DNAH3: variants seen among roughly 807,000 people sequenced by gnomAD.
DNAH3 encodes the protein dynein axonemal heavy chain 3.
A neutral mutation model predicts 432.5 loss-of-function variants in DNAH3; 332 were observed. The observed-to-expected ratio is 0.77, with a 90% CI of 0.70 to 0.84. DNAH3 has a LOEUF of 0.84. DNAH3 is among the 40% of genes least tolerant of loss of function. DNAH3 has a pLI of 0.00. For missense variants in DNAH3, 4,861 were observed against 5,114.0 expected (o/e 0.95, Z 1.51); for synonymous variants, 1,956 against 1,900.2 (o/e 1.03, Z -0.76).
rs370788589 is a variant in DNAH3, at chr16:21,073,894, A to G, written c.3084+1553T>C. Among the ~76,000 whole-genome samples the G allele has an allele frequency of 1.1e-4, 17 of 152,258 alleles. 1 individual carries two copies. The highest frequency in any genetic ancestry group is 4.1e-4 in the African/African-American group (17 of 41,540). On this transcript the variant is annotated intron_variant, in intron 21 of 61. Transcript: ENST00000261383. ...AACAGCAGGTCTTGCTAGGCTTCCC[A>G]TGGAGTCTAGACCATTATACCATAC...
In DNAH3 at chr16:21,069,363, A is replaced by C. The variant is rs370824807; in HGVS notation, c.3381+52T>G. 2.0e-5 allele frequency: 30 copies of C among 1,519,398 alleles called. No homozygotes were observed. In the African/African-American group the frequency reaches 3.9e-4, roughly 20 times the overall value. The allele number at this position is 1,519,398 out of a possible 1,614,324, so 94.1% of individuals were successfully genotyped here. A position where few individuals can be genotyped will look rare whatever the true frequency, so the allele number is the denominator to read the frequency against. The stretch of plus-strand genomic sequence containing the variant: ...AGGAAGGTGACTAGAATGCATAATG[A>C]GGAAACATTTGTATTTCTGCTGGTA... On this transcript the variant is annotated intron_variant, in intron 23 of 61. Coordinates refer to ENST00000261383, the Ensembl canonical transcript of DNAH3.
intron 49 of DNAH3, among the ~76,000 whole-genome samples, chr16:20,980,996 C>T (rs940028584): frequency 3.9e-5 from 6 of 152,128 alleles, no homozygotes; most frequent in Non-Finnish European, 2.9e-5. Context: ...ACTTTATTTA[C>T]AAAAGCAGGG....
intron 23 of DNAH3, among the ~76,000 whole-genome samples, chr16:21,068,233 G>A (rs1250367609): frequency 4.0e-5 from 6 of 150,048 alleles, no homozygotes; most frequent in African/African-American, 7.4e-5. Context: ...TGATCCCAAC[G>A]TTCCTGCTTT....
intron 1 of DNAH3, among the ~76,000 whole-genome samples, chr16:21,146,446 C>G (rs2092784649): frequency 6.6e-6 from 1 of 152,106 alleles, no homozygotes; most frequent in South Asian, 2.1e-4. Flanking sequence ...GTCTCAGCTA[C>G]TTGGGAGGCT....
intron 12 of DNAH3, among the ~76,000 whole-genome samples, chr16:21,115,761 TAAATAAAATA>T (rs540684299): frequency 6.0e-5 from 9 of 149,702 alleles, no homozygotes; most frequent in African/African-American, 2.2e-4. Flanking sequence ...TAAAATAAAA[TAAATAAAATA>T]AAATAAAATA....
rs375942261 is a variant in DNAH3 at position 21,001,322 on chromosome 16, AT to A, written c.6127-805del. On this transcript the variant is annotated intron_variant, in intron 42 of 61. Transcript: ENST00000261383. ...CCATTTGGCTACATTTTGTCCCTCTATGGGGGAAGATGATTATATCATACAC... is the reference window on the plus strand; with the variant it reads ...CCATTTGGCTACATTTTGTCCCTCTAGGGGGAAGATGATTATATCATACAC... 3.1e-3 allele frequency among the ~76,000 whole-genome samples: 475 copies of A among 152,112 alleles called. 5 individuals carry two copies. Among genetic ancestry groups the A allele is most frequent in the African/African-American group, 0.011 (460 of 41,484 alleles).
intron 43 of DNAH3, among the ~76,000 whole-genome samples, chr16:20,999,869 C>A (rs1245023492): frequency 1.3e-5 from 2 of 152,118 alleles, no homozygotes; most frequent in Non-Finnish European, 2.9e-5. Context: ...GGGTTTATCA[C>A]AAGGTGTGTG....
At chr16:20,985,025 C>A in intron 48 of DNAH3, 24 bp downstream of exon 48, 6 of 1,558,482 alleles carry the variant, frequency 3.8e-6, no homozygotes, top group Non-Finnish European at 5.2e-6. Flanking sequence ...AGAACAAGGG[C>A]AAATGGAGTT....
chr16:21,154,217 A>C (rs974541893), intron 1 of DNAH3, among the ~76,000 whole-genome samples: 1 of 152,238 alleles, frequency 6.6e-6, no homozygotes, highest in Middle Eastern at 3.2e-3. Flanking sequence ...CAACCTGGCC[A>C]ACATGGTGAA....
intron 52 of DNAH3, among the ~76,000 whole-genome samples, chr16:20,966,433 G>A (rs1472185): frequency 0.071 from 10,834 of 152,088 alleles, 521 homozygotes; most frequent in East Asian, 0.17. Flanking sequence ...CCATATAGAG[G>A]TTTCCCTAGA....
At chr16:21,075,361 G>A (rs2090936100) in intron 21 of DNAH3, 86 bp downstream of exon 21, 1 of 944,026 alleles carries the variant, frequency 1.1e-6, no homozygotes, top group Non-Finnish European at 1.7e-6. Flanking sequence ...GAGTTCTGTT[G>A]CCATTCTGAA....
At chr16:21,057,532 CAA>C (rs1346828042) in intron 27 of DNAH3, among the ~76,000 whole-genome samples, 3 of 152,152 alleles carry the variant, frequency 2.0e-5, no homozygotes, top group African/African-American at 7.2e-5. Context: ...ACGCAGCTAA[CAA>C]GAGACAGTGT....
intron 61 of DNAH3, 50 bp from the exon 62 acceptor site, chr16:20,933,557 G>A: frequency 6.8e-7 from 1 of 1,464,360 alleles, no homozygotes; most frequent in Non-Finnish European, 9.2e-7. Context: ...TTTCCTACAT[G>A]GGCAGCTTTA....
At chr16:21,092,972 G>A (rs1469232468) in intron 18 of DNAH3, among the ~76,000 whole-genome samples, 1 of 152,150 alleles carries the variant, frequency 6.6e-6, no homozygotes, top group Non-Finnish European at 1.5e-5. Flanking sequence ...ACTTTGGGAG[G>A]CCAAGGTGGG....
chr16:20,969,720 T>G, intron 52 of DNAH3, 72 bp downstream of exon 52: 2 of 1,521,006 alleles, frequency 1.3e-6, no homozygotes, highest in Non-Finnish European at 1.8e-6. Flanking sequence ...GACTTGGGGA[T>G]GCAGTGGGTG....
intron 44 of DNAH3, among the ~76,000 whole-genome samples, chr16:20,993,407 C>G (rs938164825): frequency 2.0e-5 from 3 of 152,000 alleles, no homozygotes; most frequent in African/African-American, 7.3e-5. Flanking sequence ...TTTTGATTAC[C>G]TGAAATCCAT....
exon 51 of DNAH3, chr16:20,975,359 G>A (rs772790603): frequency 3.7e-6 from 6 of 1,614,086 alleles, no homozygotes; most frequent in East Asian, 2.2e-5. Flanking sequence ...CAGTTTCCTC[G>A]GAGGTGAGGA....
intron 48 of DNAH3, among the ~76,000 whole-genome samples, chr16:20,984,135 G>T (rs927360724): frequency 2.0e-5 from 3 of 151,768 alleles, no homozygotes; most frequent in Non-Finnish European, 4.4e-5. Flanking sequence ...TGAGACCGCA[G>T]GTTAGTAATT....
At chr16:21,144,495 AG>A (rs2092757330) in intron 3 of DNAH3, among the ~76,000 whole-genome samples, 1 of 152,150 alleles carries the variant, frequency 6.6e-6, no homozygotes, top group African/African-American at 2.4e-5. Context: ...AGTTGCCTTT[AG>A]ATGATGGTGG....
Sources: gnomAD v4.1 joint callset for allele counts (sites outside exome capture counted in the v4.1 genomes callset) on GRCh38, gnomAD v4.1.1 for gene constraint, MANE v1.5 for transcripts, NCBI Gene and HGNC (gene_info 2026-07-23, HGNC 2026-07-21) for gene names.